Variants in TTC28 observed in about 807,000 individuals in gnomAD.
TTC28 encodes tetratricopeptide repeat domain 28, also known as tetratricopeptide repeat protein 28.
A neutral mutation model predicts 198.0 loss-of-function variants in TTC28; 61 were observed. The ratio of observed to expected loss-of-function variants is 0.31; its 90% CI spans 0.25 to 0.38. The LOEUF is 0.38. TTC28 is among the 10% of genes least tolerant of loss of function. TTC28 has a pLI of 1.00. For synonymous variants in TTC28, 1,171 were observed against 1,297.8 expected, an observed-to-expected ratio of 0.90 and a Z score of 2.10; for missense variants, 2,678 against 3,164.0, an observed-to-expected ratio of 0.85 and a Z score of 3.69.
intron 2 of TTC28, among the ~76,000 whole-genome samples, chr22:28,527,252 G>C (rs978129767): frequency 6.6e-6 from 1 of 152,082 alleles, no homozygotes; most frequent in African/African-American, 2.4e-5. Context: ...TGCCCACACT[G>C]GTGCCCCAAC....
intron 5 of TTC28, among the ~76,000 whole-genome samples, chr22:28,276,493 G>A (rs1481551409): frequency 6.6e-6 from 1 of 152,140 alleles, no homozygotes; most frequent in African/African-American, 2.4e-5. Flanking sequence ...GATGGGTAGA[G>A]TTATGCTACT....
chr22:28,094,375 C>CA, intron 11 of TTC28, 130 bp from the exon 12 acceptor site: 1 of 1,071,930 alleles, frequency 9.3e-7, no homozygotes, highest in East Asian at 2.8e-5. Flanking sequence ...CAAACCCTGT[C>CA]AAAAAATCCT....
chr22:28,240,922 C>T (rs1038313262), intron 5 of TTC28, among the ~76,000 whole-genome samples: 4 of 152,032 alleles, frequency 2.6e-5, no homozygotes, highest in African/African-American at 9.7e-5. Context: ...TAAAATAATT[C>T]ATGAGATCAC....
chr22:28,370,041 C>T (rs371638801), intron 2 of TTC28, among the ~76,000 whole-genome samples: 1 of 152,178 alleles, frequency 6.6e-6, no homozygotes, highest in Non-Finnish European at 1.5e-5. Flanking sequence ...CAGACAACTG[C>T]ACTCTCTTGC....
chr22:28,101,351 G>A (rs2146881694), intron 8 of TTC28, 71 bp from the exon 9 acceptor site: 1 of 1,265,290 alleles, frequency 7.9e-7, no homozygotes, highest in Non-Finnish European at 1.1e-6. Context: ...GAGTCCTGAA[G>A]GGTCATTTTA....
intron 2 of TTC28, among the ~76,000 whole-genome samples, chr22:28,615,632 C>T (rs879468800): frequency 5.9e-5 from 9 of 152,064 alleles, no homozygotes; most frequent in South Asian, 2.1e-4. Context: ...AGGATGAGTT[C>T]GTGTCCTTTG....
At chr22:28,484,571 T>G (rs779695592) in intron 2 of TTC28, among the ~76,000 whole-genome samples, 2 of 152,206 alleles carry the variant, frequency 1.3e-5, no homozygotes, top group Non-Finnish European at 1.5e-5. Context: ...AAACATCCTA[T>G]GTACTCATCA....
intron 12 of TTC28, among the ~76,000 whole-genome samples, chr22:28,086,609 A>G (rs976046171): frequency 1.2e-4 from 18 of 152,208 alleles, no homozygotes; most frequent in African/African-American, 2.2e-4. Flanking sequence ...AAGAACTAGA[A>G]AAGCAAGAGC....
At chr22:28,466,058 C>T (rs974586730) in intron 2 of TTC28, among the ~76,000 whole-genome samples, 1 of 152,138 alleles carries the variant, frequency 6.6e-6, no homozygotes, top group Non-Finnish European at 1.5e-5. Context: ...TTCTGTGTGG[C>T]CAAAGGTCTA....
chr22:28,415,847 T>A (rs2047160446), intron 2 of TTC28, among the ~76,000 whole-genome samples: 1 of 152,194 alleles, frequency 6.6e-6, no homozygotes, highest in Non-Finnish European at 1.5e-5. Flanking sequence ...TCTCTCAAAC[T>A]GGGCAAAACC....
Position 28,629,800 on chromosome 22 carries a change from G to A in TTC28, c.133C>T (p.Gln45Ter). The change falls in exon 2 of 23, where the codon CAG becomes TAG. Residue 45 changes from glutamine to a stop codon, truncating the protein, a stop_gained. Transcript: ENST00000397906. LOFTEE classifies it high-confidence loss of function. ...IPLFGADTIGQRSPDGPVLSK... is the reference protein window; with the variant it reads ...IPLFGADTIG Reference sequence around the variant, plus strand: ...AGTACCGGTCCATCAGGACTTCTCTGGCCAATAGTGTCAGCACCAAAGAGA... The same window carrying A: ...AGTACCGGTCCATCAGGACTTCTCTAGCCAATAGTGTCAGCACCAAAGAGA... 6.4e-7 allele frequency: 1 copy of A among 1,551,446 alleles called. No individual in the cohort carries two copies. The highest frequency in any genetic ancestry group is 8.7e-7 in the Non-Finnish European group (1 of 1,146,898).
At chr22:28,471,252 T>C (rs1420301480) in intron 2 of TTC28, among the ~76,000 whole-genome samples, 1 of 152,196 alleles carries the variant, frequency 6.6e-6, no homozygotes, top group African/African-American at 2.4e-5. Context: ...GAATAGGTCA[T>C]TAGGTGCTGG....
chr22:28,520,930 G>A (rs1330387273), intron 2 of TTC28, among the ~76,000 whole-genome samples: 4 of 152,130 alleles, frequency 2.6e-5, no homozygotes, highest in Non-Finnish European at 5.9e-5. Flanking sequence ...GCACGTGCCT[G>A]TAGTCCCAGC....
At chr22:28,043,242 CAAAAAAAAAA>C (rs11362041) in intron 12 of TTC28, among the ~76,000 whole-genome samples, 14 of 65,578 alleles carry the variant, frequency 2.1e-4, no homozygotes, top group South Asian at 5.1e-4. Context: ...GACTCCATCT[CAAAAAAAAAA>C]AAAAAAAAAA....
intron 2 of TTC28, among the ~76,000 whole-genome samples, chr22:28,580,198 G>A (rs1210975352): frequency 6.6e-6 from 1 of 152,108 alleles, no homozygotes. Context: ...AACAGGCTGA[G>A]TGGATAACTG....
At chr22:28,059,980 T>C (rs933785215) in intron 12 of TTC28, among the ~76,000 whole-genome samples, 1 of 151,996 alleles carries the variant, frequency 6.6e-6, no homozygotes, top group Non-Finnish European at 1.5e-5. Context: ...AAAAATCCAT[T>C]TAACAATGTC....
intron 6 of TTC28, among the ~76,000 whole-genome samples, chr22:28,139,356 T>C (rs1943275678): frequency 6.6e-6 from 1 of 152,194 alleles, no homozygotes; most frequent in South Asian, 2.1e-4. Flanking sequence ...ATTTCTGTGG[T>C]ACATTCATGA....
chr22:28,655,860 A>G (rs1430804842), intron 1 of TTC28, among the ~76,000 whole-genome samples: 3 of 110,072 alleles, frequency 2.7e-5, no homozygotes, highest in African/African-American at 1.0e-4. Context: ...CAAAAAAAAG[A>G]AAAAAAAAAA....
At chr22:28,468,710 T>TTG in intron 2 of TTC28, among the ~76,000 whole-genome samples, 1 of 145,046 alleles carries the variant, frequency 6.9e-6, no homozygotes, top group Middle Eastern at 3.5e-3. Flanking sequence ...TTTTTTTTTT[T>TTG]GTATTTTTAG....
Sources: allele counts gnomAD v4.1 joint callset (sites outside exome capture counted in the v4.1 genomes callset), GRCh38; gene constraint gnomAD v4.1.1; transcripts MANE v1.5; gene names NCBI Gene and HGNC (gene_info 2026-07-23, HGNC 2026-07-21).